Variants in RPS6KC1 observed in about 807,000 individuals in gnomAD.
RPS6KC1 encodes ribosomal protein S6 kinase C1.
In RPS6KC1, 54 loss-of-function variants were observed where a neutral mutation model predicts 103.8. The observed-to-expected ratio is 0.52, with a 90% CI of 0.42 to 0.65. The LOEUF is 0.65. RPS6KC1 is among the 30% of genes least tolerant of loss of function. The pLI, the probability that RPS6KC1 is intolerant of heterozygous loss-of-function variation, is 0.00. For synonymous variants in RPS6KC1, 439 were observed against 438.7 expected (o/e 1.00, Z -0.01); for missense variants, 1,151 against 1,253.8 (o/e 0.92, Z 1.24).
the RPS6KC1 span, among the ~76,000 whole-genome samples, chr1:213,838,702 T>C: frequency 6.6e-6 from 1 of 152,210 alleles, no homozygotes; most frequent in Non-Finnish European, 1.5e-5. Context: ...CTCCAAATTC[T>C]GTGGAATGCC....
chr1:213,063,005 G>T, intron 1 of RPS6KC1, among the ~76,000 whole-genome samples: 1 of 152,224 alleles, frequency 6.6e-6, no homozygotes. Context: ...AAGCCTCACA[G>T]TCTGATCTTT....
intron 5 of RPS6KC1, among the ~76,000 whole-genome samples, chr1:213,123,668 A>G (rs1363185959): frequency 6.6e-6 from 1 of 152,172 alleles, no homozygotes; most frequent in East Asian, 1.9e-4. Flanking sequence ...ACTGGTATGT[A>G]TGTCTTCTAC....
At chr1:213,675,141 A>C in the RPS6KC1 span, among the ~76,000 whole-genome samples, 1 of 152,124 alleles carries the variant, frequency 6.6e-6, no homozygotes, top group Non-Finnish European at 1.5e-5. Context: ...AAGCTCTTAA[A>C]ATCTTTAAGC....
chr1:213,078,384 C>CT (rs2079546723), intron 3 of RPS6KC1, among the ~76,000 whole-genome samples: 1 of 151,892 alleles, frequency 6.6e-6, no homozygotes, highest in African/African-American at 2.4e-5. Flanking sequence ...TTCTATAACT[C>CT]TAACGTAAAT....
intron 7 of RPS6KC1, among the ~76,000 whole-genome samples, chr1:213,169,681 A>G (rs896829385): frequency 1.3e-5 from 2 of 151,988 alleles, no homozygotes; most frequent in Admixed American, 6.6e-5. Context: ...TTGGGGGGGC[A>G]TTGATGAAAG....
chr1:213,359,483 A>C, the RPS6KC1 span, among the ~76,000 whole-genome samples: 1 of 152,134 alleles, frequency 6.6e-6, no homozygotes, highest in Admixed American at 6.5e-5. Context: ...TGAATATAGC[A>C]CACTGATGGG....
At chr1:213,425,608 A>C in the RPS6KC1 span, among the ~76,000 whole-genome samples, 1 of 152,158 alleles carries the variant, frequency 6.6e-6, no homozygotes, top group African/African-American at 2.4e-5. Flanking sequence ...CCTCGTGTGG[A>C]AAAACGGCAA....
chr1:213,611,826 G>A, the RPS6KC1 span, among the ~76,000 whole-genome samples: 4 of 152,164 alleles, frequency 2.6e-5, no homozygotes, highest in South Asian at 8.3e-4. Flanking sequence ...TCACTGAAAT[G>A]GTGAAATGTT....
chr1:213,310,868 C>T, the RPS6KC1 span, among the ~76,000 whole-genome samples: 1 of 152,186 alleles, frequency 6.6e-6, no homozygotes, highest in African/African-American at 2.4e-5. Context: ...CCCTCCTCTG[C>T]ACTAGCACAT....
chr1:213,594,695 C>G, the RPS6KC1 span, among the ~76,000 whole-genome samples: 1 of 151,690 alleles, frequency 6.6e-6, no homozygotes, highest in Non-Finnish European at 1.5e-5. Flanking sequence ...TGTTCTAAGT[C>G]CTCTACGTAT....
chr1:213,801,060 G>A, the RPS6KC1 span, among the ~76,000 whole-genome samples: 1 of 152,160 alleles, frequency 6.6e-6, no homozygotes, highest in Non-Finnish European at 1.5e-5. Flanking sequence ...CTTGTCCTGA[G>A]GAGCTAAGGT....
At chr1:213,303,845 A>T in the RPS6KC1 span, among the ~76,000 whole-genome samples, 1 of 152,176 alleles carries the variant, frequency 6.6e-6, no homozygotes, top group Admixed American at 6.5e-5. Context: ...ATAAAAATAA[A>T]ACATCCCCTC....
chr1:213,676,456 G>A, the RPS6KC1 span, among the ~76,000 whole-genome samples: 1 of 152,218 alleles, frequency 6.6e-6, no homozygotes, highest in Non-Finnish European at 1.5e-5. Context: ...TGCATACGTG[G>A]GAGGAGAAGT....
chr1:213,422,113 G>C, the RPS6KC1 span, among the ~76,000 whole-genome samples: 15,416 of 152,094 alleles, frequency 0.1, 1,298 homozygotes, highest in African/African-American at 0.23. Context: ...CCACTGTCCA[G>C]CTCCAGAATT....
chr1:213,096,026 T>G (rs2081419349), intron 3 of RPS6KC1, among the ~76,000 whole-genome samples: 1 of 152,204 alleles, frequency 6.6e-6, no homozygotes, highest in Non-Finnish European at 1.5e-5. Context: ...TGTGATGGTG[T>G]TTGATAGCAT....
intron 8 of RPS6KC1, among the ~76,000 whole-genome samples, chr1:213,217,764 A>G (rs1280726272): frequency 6.6e-6 from 1 of 152,224 alleles, no homozygotes; most frequent in African/African-American, 2.4e-5. Context: ...AGAACCAATG[A>G]CAAAAACCAC....
the RPS6KC1 span, among the ~76,000 whole-genome samples, chr1:213,642,128 C>T: frequency 6.6e-6 from 1 of 152,148 alleles, no homozygotes; most frequent in African/African-American, 2.4e-5. Flanking sequence ...TCCTACCCAG[C>T]ACAGTGCTCA....
chr1:213,689,199 G>T, the RPS6KC1 span, among the ~76,000 whole-genome samples: 1 of 152,188 alleles, frequency 6.6e-6, no homozygotes. Context: ...GGTAGAGCTG[G>T]GTCAACCCTT....
the RPS6KC1 span, among the ~76,000 whole-genome samples, chr1:213,522,434 G>A: frequency 6.6e-6 from 1 of 152,190 alleles, no homozygotes; most frequent in Non-Finnish European, 1.5e-5. Context: ...ATGAGCATTG[G>A]CTTCCACTTA....
Sources: allele counts gnomAD v4.1 joint callset (sites outside exome capture counted in the v4.1 genomes callset), GRCh38; gene constraint gnomAD v4.1.1; transcripts MANE v1.5; gene names NCBI Gene and HGNC (gene_info 2026-07-23, HGNC 2026-07-21).